Variants in AGPS observed in about 807,000 individuals in gnomAD.
The protein encoded by AGPS is alkyldihydroxyacetonephosphate synthase, peroxisomal.
Under a neutral mutation model 90.7 loss-of-function variants are expected in AGPS, and 26 were observed. The ratio of observed to expected loss-of-function variants is 0.29; its 90% CI spans 0.21 to 0.40. AGPS has a LOEUF of 0.40. Among genes scored for constraint, AGPS ranks in the 10% least tolerant of loss-of-function variants. The pLI is 1.00. For missense variants in AGPS, 540 were observed against 816.1 expected (o/e 0.66, Z 4.12); for synonymous variants, 294 against 285.3 (o/e 1.03, Z -0.31).
intron 11 of AGPS, among the ~76,000 whole-genome samples, chr2:177,487,195 T>G (rs566596621): frequency 1.3e-5 from 2 of 152,262 alleles, no homozygotes; most frequent in South Asian, 4.2e-4. Context: ...CTTGGGTTTT[T>G]TTTGTTTGTT....
rs763200822 is a variant in AGPS, at chr2:177,493,124, CT to C, written c.1234-14del. ...TTCTTACTGTATTAAATTTGTATCA[CT>C]TTTTTTTTTCTTTTTAAAACAGAGA... On this transcript the variant is annotated intron_variant, in intron 11 of 19. Coordinates refer to ENST00000264167, the MANE Select transcript of AGPS (RefSeq NM_003659.4). 5.8e-4 allele frequency: 843 copies of C among 1,459,066 alleles called. 1 individual carries two copies. The highest frequency in any genetic ancestry group is 5.9e-4 in the Non-Finnish European group (625 of 1,060,348). 90.4% of individuals were successfully genotyped at this position (1,459,066 alleles called of 1,614,324 possible). A position where few individuals can be genotyped will look rare whatever the true frequency, so the allele number is the denominator to read the frequency against.
chr2:177,480,628 A>T (rs1687916684), intron 10 of AGPS, among the ~76,000 whole-genome samples: 1 of 152,178 alleles, frequency 6.6e-6, no homozygotes, highest in Admixed American at 6.5e-5. Context: ...CCTAATGTAA[A>T]TGATGAGTTA....
chr2:177,428,863 C>T (rs1052276364), intron 2 of AGPS, among the ~76,000 whole-genome samples: 1 of 152,074 alleles, frequency 6.6e-6, no homozygotes. Flanking sequence ...GTTGGCCTGT[C>T]TTGCTAGGTT....
rs77741011 is a variant in AGPS, at chr2:177,499,763, G to C, written c.1475+33G>C. On this transcript the variant is annotated intron_variant, in intron 14 of 19. Transcript: ENST00000264167. The stretch of plus-strand genomic sequence containing the variant: ...TTCAAGTTCATAATGCCAAGAGAAA[G>C]AGTTAAAAGCTAAGATTCTAATATC... The C allele has an allele frequency of 0.012, 16,961 of 1,385,682 alleles. 276 individuals are homozygous for C. Among genetic ancestry groups the C allele is most frequent in the South Asian group, 0.058 (5,011 of 86,248 alleles). 85.8% of individuals were successfully genotyped at this position (1,385,682 alleles called of 1,614,324 possible). A position where few individuals can be genotyped will look rare whatever the true frequency, so the allele number is the denominator to read the frequency against.
At chr2:177,451,227 A>T (rs1490034982) in intron 8 of AGPS, among the ~76,000 whole-genome samples, 1 of 151,890 alleles carries the variant, frequency 6.6e-6, no homozygotes, top group African/African-American at 2.4e-5. Context: ...AAGTGTTGGG[A>T]TTATCGGTAT....
chr2:177,526,114 A>G (rs2079084997), intron 19 of AGPS, among the ~76,000 whole-genome samples: 1 of 152,244 alleles, frequency 6.6e-6, no homozygotes, highest in Non-Finnish European at 1.5e-5. Flanking sequence ...CCATTATAGT[A>G]ATCAATTCAC....
chr2:177,508,531 G>C (rs1475683236), intron 16 of AGPS, among the ~76,000 whole-genome samples: 1 of 152,100 alleles, frequency 6.6e-6, no homozygotes, highest in African/African-American at 2.4e-5. Context: ...TAAGCAAAAT[G>C]TTGATACTGG....
At chr2:177,535,886 TG>T (rs572241155) in intron 19 of AGPS, among the ~76,000 whole-genome samples, 74 of 152,214 alleles carry the variant, frequency 4.9e-4, no homozygotes, top group African/African-American at 1.7e-3. Flanking sequence ...GCCACAGCTT[TG>T]TTGGCCGTAC....
At chr2:177,512,405 C>G (rs6710109) in intron 16 of AGPS, among the ~76,000 whole-genome samples, 127,974 of 152,162 alleles carry the variant, frequency 0.84, 54,009 homozygotes, top group East Asian at 0.95. Flanking sequence ...CTTTCAGATA[C>G]TGTATTCATA....
Position 177,497,710 on chromosome 2 carries a change from T to A in AGPS, c.1307T>A (p.Val436Asp). Residue 436 changes from valine to aspartate, a missense_variant, in exon 13 of 20, where the codon GTT (valine) becomes GAT (aspartate). By Grantham distance (152) the Val-to-Asp change is radical. Around this residue, in one of 2 missense-constraint regions of AGPS, gnomAD observed 405 missense variants for 692.1 expected, o/e 0.59. Transcript: ENST00000264167. ...TTAGGTCATGCTCTTAAACCTCAGG[T>A]TTCCTCTATTTTTACATCATTTTTG... ...FQFGHALKPQ[V>D]SSIFTSFLDG... 6.3e-7 allele frequency: 1 copy of A among 1,581,282 alleles called. No individual in the cohort carries two copies. The highest frequency in any genetic ancestry group is 1.7e-4 in the Middle Eastern group (1 of 5,898).
intron 19 of AGPS, among the ~76,000 whole-genome samples, chr2:177,528,849 C>CTTTTTTTTTTTTTTTT (rs71008000): frequency 1.3e-5 from 1 of 79,142 alleles, no homozygotes; most frequent in Non-Finnish European, 2.2e-5. Context: ...CATATTAATC[C>CTTTTTTTTTTTTTTTT]TTTTTTTTTT....
In AGPS at chr2:177,394,546, G is replaced by A. The variant is rs114956070; in HGVS notation, c.260+1497G>A. On this transcript the variant is annotated intron_variant, in intron 1 of 19. Transcript: ENST00000264167. Reference sequence around the variant, plus strand: ...GTGAATCTTGTTTACAGGATTTTACGTGGGGCAATACATGATTAGATTTAC... The same window carrying A: ...GTGAATCTTGTTTACAGGATTTTACATGGGGCAATACATGATTAGATTTAC... Among the ~76,000 whole-genome samples, 467 of 152,256 alleles carry A rather than the reference G, an allele frequency of 3.1e-3. 4 individuals carry two copies. Among genetic ancestry groups the A allele is most frequent in the African/African-American group, 0.011 (439 of 41,556 alleles).
rs2079230758 is a variant in AGPS, at chr2:177,541,106, G to A, written c.*2911G>A. 6.6e-6 allele frequency: 1 copy of A among 152,064 alleles called. No homozygotes were observed. Among genetic ancestry groups the A allele is most frequent in the Non-Finnish European group, 1.5e-5 (1 of 67,998 alleles). 9.4% of individuals were successfully genotyped at this position (152,064 alleles called of 1,614,324 possible). A position where few individuals can be genotyped will look rare whatever the true frequency, so the allele number is the denominator to read the frequency against. On this transcript the variant is annotated 3_prime_UTR_variant, in exon 20 of 20. Coordinates refer to ENST00000264167, the MANE Select transcript of AGPS (RefSeq NM_003659.4). ...CATATTGTAGTACTATTACTTAAAAGTTATTTATGAAGTTGGGAGCCTTCT... is the reference window on the plus strand; with the variant it reads ...CATATTGTAGTACTATTACTTAAAAATTATTTATGAAGTTGGGAGCCTTCT...
At chr2:177,435,399 T>A (rs1014679000) in intron 3 of AGPS, among the ~76,000 whole-genome samples, 1 of 152,152 alleles carries the variant, frequency 6.6e-6, no homozygotes, top group Admixed American at 6.5e-5. Context: ...TCTCTTTTGA[T>A]CTCTTGACTA....
rs143535188 is a variant in AGPS at position 177,453,032 on chromosome 2, A to C, written c.870+7406A>C. ...TTCTGCTTGAAGGACTTCTTTTAAC[A>C]TGACTTTAGTGTGGGTCTGCTGTTG... On this transcript the variant is annotated intron_variant, in intron 8 of 19. Transcript: ENST00000264167. 1.8e-3 allele frequency among the ~76,000 whole-genome samples: 268 copies of C among 151,892 alleles called. 1 individual carries two copies. Among genetic ancestry groups the C allele is most frequent in the African/African-American group, 6.0e-3 (250 of 41,442 alleles).
intron 11 of AGPS, among the ~76,000 whole-genome samples, chr2:177,486,321 T>G (rs1249209864): frequency 6.6e-6 from 1 of 152,192 alleles, no homozygotes; most frequent in East Asian, 1.9e-4. Context: ...ATAAAAGGTT[T>G]TATAATGGTT....
chr2:177,448,889 C>T (rs1049181746), intron 8 of AGPS, among the ~76,000 whole-genome samples: 3 of 152,226 alleles, frequency 2.0e-5, no homozygotes, highest in Admixed American at 6.5e-5. Context: ...CTTTCTGTCA[C>T]ATAGATTTGC....
intron 1 of AGPS, among the ~76,000 whole-genome samples, chr2:177,405,667 T>C (rs10497509): frequency 0.86 from 128,013 of 148,416 alleles, 55,440 homozygotes; most frequent in East Asian, 0.95. Context: ...ATTGCACTAT[T>C]CTGTTGTTTT....
chr2:177,482,078 A>G lies in AGPS; in HGVS notation c.1125A>G (p.Thr375=). 1.2e-6 allele frequency: 2 copies of G among 1,603,366 alleles called. No individual in the cohort carries two copies. The highest frequency in any genetic ancestry group is 1.7e-6 in the Non-Finnish European group (2 of 1,173,002). Residue 375 remains threonine (T), a synonymous_variant, in exon 11 of 20, where the codon ACA becomes ACG. Coordinates refer to ENST00000264167, the MANE Select transcript of AGPS (RefSeq NM_003659.4). ...MGSEGTLGVI[T]EATIKIRPVP... ...TTTCAGGAACTCTTGGTGTAATAAC[A>G]GAAGCTACAATAAAAATCAGACCAG...
Sources: allele counts gnomAD v4.1 joint callset (sites outside exome capture counted in the v4.1 genomes callset), GRCh38; gene constraint gnomAD v4.1.1; regional missense constraint gnomAD v4.1.1; transcripts MANE v1.5; gene names NCBI Gene and HGNC (gene_info 2026-07-23, HGNC 2026-07-21).